The following JAK1 variants were observed in gnomAD, a reference collection of about 807,000 sequenced individuals.
JAK1 encodes the protein tyrosine-protein kinase JAK1.
Under a neutral mutation model 136.6 loss-of-function variants are expected in JAK1, and 16 were observed. That is an observed-to-expected ratio of 0.12 (90% CI 0.08 to 0.18). JAK1 has a LOEUF of 0.18. JAK1 is among the 10% of genes least tolerant of loss of function. JAK1 has a pLI of 1.00. For missense variants in JAK1, 859 were observed against 1,450.1 expected, an observed-to-expected ratio of 0.59 and a Z score of 6.62; for synonymous variants, 492 against 519.5, an observed-to-expected ratio of 0.95 and a Z score of 0.72.
chr1:64,934,144 G>A (rs1375401249), intron 1 of JAK1, among the ~76,000 whole-genome samples: 1 of 152,134 alleles, frequency 6.6e-6, no homozygotes, highest in Non-Finnish European at 1.5e-5. Context: ...AGATGTAAAG[G>A]ACCAAAAGCA....
chr1:64,857,857 G>C, intron 9 of JAK1, 78 bp from the exon 10 acceptor site: 1 of 1,556,674 alleles, frequency 6.4e-7, no homozygotes, highest in African/African-American at 1.4e-5. Context: ...CCACTCTCCT[G>C]AGCTGCCTCA....
chr1:64,986,122 T>TC lies in JAK1; in HGVS notation c.-78+58357_-78+58358insG. ...CTCAATCTAATTGTTTTTTTTTTTTTTGGACAGAGTTTCACTCTTGTTGCT... is the reference window on the plus strand; with the variant it reads ...CTCAATCTAATTGTTTTTTTTTTTTTCTGGACAGAGTTTCACTCTTGTTGCT... On this transcript the variant is annotated intron_variant, in intron 2 of 25. Transcript: ENST00000671954. 4.0e-6 allele frequency: 3 copies of TC among 747,060 alleles called. No homozygotes were observed. In the South Asian group the frequency reaches 4.8e-5, roughly 12 times the overall value. 46.3% of individuals were successfully genotyped at this position (747,060 alleles called of 1,614,324 possible).
At chr1:64,996,345 C>T (rs2100736631) in intron 2 of JAK1, among the ~76,000 whole-genome samples, 1 of 152,260 alleles carries the variant, frequency 6.6e-6, no homozygotes, top group South Asian at 2.1e-4. Flanking sequence ...ACACTTCAAT[C>T]CAGTGTGCAC....
At chr1:65,017,161 A>G (rs1646897900) in intron 2 of JAK1, among the ~76,000 whole-genome samples, 1 of 152,180 alleles carries the variant, frequency 6.6e-6, no homozygotes, top group Admixed American at 6.5e-5. Flanking sequence ...GATAATTGAT[A>G]GAACAAGAAA....
upstream of JAK1, among the ~76,000 whole-genome samples, chr1:64,966,869 C>A (rs898938188): frequency 6.6e-6 from 1 of 152,058 alleles, no homozygotes; most frequent in African/African-American, 2.4e-5. Flanking sequence ...TCTGGAGCCC[C>A]CTCCGCCACA....
Position 64,984,167 on chromosome 1 carries a change from T to C in JAK1, c.-78+60313A>G, listed in dbSNP as rs76341488. Among the ~76,000 whole-genome samples the C allele has an allele frequency of 5.9e-3, 903 of 152,316 alleles. 5 individuals are homozygous for C. The highest frequency in any genetic ancestry group is 0.011 in the Admixed American group (166 of 15,302). On this transcript the variant is annotated intron_variant, in intron 2 of 25. Coordinates refer to the JAK1 transcript ENST00000671954. The surrounding 1 kb of genome is among the most constrained non-coding windows in gnomAD (Gnocchi z 4.1). ...TAAAAATAAATAAAACTCAAGTTAA[T>C]TTGCTGTGTACAGCTGTATGGAAGT...
intron 1 of JAK1, among the ~76,000 whole-genome samples, chr1:64,893,066 G>T (rs1644963479): frequency 6.6e-6 from 1 of 151,996 alleles, no homozygotes; most frequent in Non-Finnish European, 1.5e-5. Flanking sequence ...AGGGGATTAA[G>T]GAGAGAGGAA....
chr1:64,989,000 G>A (rs866240010), intron 2 of JAK1, among the ~76,000 whole-genome samples: 8 of 91,862 alleles, frequency 8.7e-5, no homozygotes, highest in Non-Finnish European at 1.5e-4. Context: ...GTGTGTGTGT[G>A]TGTATATATA....
At chr1:64,860,331 G>A in intron 8 of JAK1, 69 bp from the exon 9 acceptor site, 1 of 1,341,730 alleles carries the variant, frequency 7.5e-7, no homozygotes, top group Non-Finnish European at 1.0e-6. Flanking sequence ...GACTCTGTAG[G>A]GAGGTGCACA....
chr1:64,846,492 T>A (rs1351155521), intron 14 of JAK1, among the ~76,000 whole-genome samples, 157 bp downstream of exon 14: 2 of 152,100 alleles, frequency 1.3e-5, no homozygotes, highest in African/African-American at 4.8e-5. Flanking sequence ...CACTATTAAC[T>A]TAAGCAAATG....
intron 1 of JAK1, among the ~76,000 whole-genome samples, chr1:64,903,236 A>C (rs546832004): frequency 6.6e-6 from 1 of 152,284 alleles, no homozygotes; most frequent in East Asian, 1.9e-4. Context: ...CATGTTGGCC[A>C]TGCTGGTCTC....
In JAK1 at chr1:64,837,979, A is replaced by G. The variant is rs17392258; in HGVS notation, c.3093T>C (p.Asp1031=). ...CATCCTTGACGGTGTAATACTCCTT[A>G]TCGGTTTCAATTGCTTTGGTTAAAC... ...DFGLTKAIET[D]KEYYTVKDDR... The change falls in exon 22 of 25, where the codon GAT becomes GAC. Residue 1031 remains aspartate, a synonymous_variant. Transcript: ENST00000342505. The G allele has an allele frequency of 3.2e-3, 5,112 of 1,614,156 alleles. 108 individuals are homozygous for G. In the South Asian group the frequency reaches 0.035, roughly 11 times the overall value.
chr1:64,952,300 T>C (rs1413520928), intron 1 of JAK1, among the ~76,000 whole-genome samples: 2 of 152,156 alleles, frequency 1.3e-5, no homozygotes, highest in African/African-American at 4.8e-5. Flanking sequence ...AAGGGCCAGG[T>C]TGGTCTGGCT....
intron 2 of JAK1, among the ~76,000 whole-genome samples, chr1:65,031,594 G>T (rs1175015236): frequency 2.6e-5 from 4 of 152,164 alleles, no homozygotes; most frequent in African/African-American, 7.2e-5. Flanking sequence ...AATGGAATTT[G>T]TCCATGGACC....
chr1:65,052,316 A>G (rs1305366659), intron 1 of JAK1, among the ~76,000 whole-genome samples: 2 of 152,062 alleles, frequency 1.3e-5, no homozygotes, highest in Admixed American at 1.3e-4. Flanking sequence ...AAAGAAAAAT[A>G]CAAAATGGAC....
chr1:64,860,981 T>TGTGTGTGG (rs1656294523), intron 8 of JAK1, among the ~76,000 whole-genome samples: 1 of 130,938 alleles, frequency 7.6e-6, no homozygotes, highest in African/African-American at 2.9e-5. Flanking sequence ...TGTGTGTGTG[T>TGTGTGTGG]TGGGGGTGAC....
intron 1 of JAK1, among the ~76,000 whole-genome samples, chr1:64,890,747 A>G (rs540925299): frequency 6.6e-6 from 1 of 152,348 alleles, no homozygotes; most frequent in East Asian, 1.9e-4. Flanking sequence ...ACAGGACTAA[A>G]GTGGGCTATG....
In JAK1 at chr1:65,003,013, C is replaced by CTT. The variant is rs11410336; in HGVS notation, c.-78+41465_-78+41466dup. 4.5e-3 allele frequency among the ~76,000 whole-genome samples: 539 copies of CTT among 119,768 alleles called. 6 individuals are homozygous for CTT. The highest frequency in any genetic ancestry group is 6.0e-3 in the South Asian group (20 of 3,344). The allele number at this position is 119,768 out of a possible 152,430, so 78.6% of individuals were successfully genotyped here. ...CCTCGCACGGCGTGAGACAACCTAGCTTTTTTTTTTTTTTTTTTTTTAAGA... is the reference window on the plus strand; with the variant it reads ...CCTCGCACGGCGTGAGACAACCTAGCTTTTTTTTTTTTTTTTTTTTTTTAAGA... On this transcript the variant is annotated intron_variant, in intron 2 of 25. Transcript: ENST00000671954.
At chr1:65,062,710 G>C (rs1016530194) in intron 1 of JAK1, among the ~76,000 whole-genome samples, 2 of 152,192 alleles carry the variant, frequency 1.3e-5, no homozygotes, top group African/African-American at 4.8e-5. Context: ...ATTTGGTGCT[G>C]TTTATATCTT....
Sources: allele counts gnomAD v4.1 joint callset (sites outside exome capture counted in the v4.1 genomes callset), GRCh38; gene constraint gnomAD v4.1.1; non-coding constraint Gnocchi (gnomAD v3.1); transcripts MANE v1.5; gene names NCBI Gene and HGNC (gene_info 2026-07-23, HGNC 2026-07-21).